The following RTN4RL1 variants were observed in gnomAD, a reference collection of about 807,000 sequenced individuals.
RTN4RL1 encodes reticulon-4 receptor-like 1.
A neutral mutation model predicts 25.6 loss-of-function variants in RTN4RL1; 7 were observed. The ratio of observed to expected loss-of-function variants is 0.27; its 90% CI spans 0.16 to 0.51. RTN4RL1 has a LOEUF of 0.51. Among genes scored for constraint, RTN4RL1 ranks in the 20% least tolerant of loss-of-function variants. The probability of loss-of-function intolerance (pLI) is 0.97; values close to 1 mark genes in which losing one functional copy is unlikely to be tolerated. For missense variants in RTN4RL1, 500 were observed against 615.6 expected, an observed-to-expected ratio of 0.81 and a Z score of 1.99; for synonymous variants, 297 against 288.2, an observed-to-expected ratio of 1.03 and a Z score of -0.31.
chr17:1,962,868 A>G (rs1396336029), intron 1 of RTN4RL1, among the ~76,000 whole-genome samples: 14 of 151,362 alleles, frequency 9.2e-5, no homozygotes, highest in Non-Finnish European at 1.9e-4. Context: ...TCTCAGAAAA[A>G]AAAAAAAAAA....
Position 1,935,779 on chromosome 17 carries a change from G to C in RTN4RL1, c.*717C>G, listed in dbSNP as rs973757627. ...TGTAGAGTGTGAATATATATAAGTG[G>C]ACGTAGTTAGTTATAAAACTGCACC... On this transcript the variant is annotated 3_prime_UTR_variant, in exon 2 of 2. Transcript: ENST00000331238. 2.3e-6 allele frequency: 2 copies of C among 877,342 alleles called. No individual in the cohort carries two copies. Among genetic ancestry groups the C allele is most frequent in the African/African-American group, 4.0e-5 (2 of 49,946 alleles). 54.3% of individuals were successfully genotyped at this position (877,342 alleles called of 1,614,324 possible).
intron 1 of RTN4RL1, among the ~76,000 whole-genome samples, chr17:2,015,125 G>T: frequency 6.6e-6 from 1 of 152,174 alleles, no homozygotes; most frequent in African/African-American, 2.4e-5. Context: ...CCTGGGCTCA[G>T]GTGGAGGCAC....
At chr17:1,952,367 C>T (rs1915703750) in intron 1 of RTN4RL1, among the ~76,000 whole-genome samples, 2 of 133,938 alleles carry the variant, frequency 1.5e-5, no homozygotes, top group East Asian at 2.4e-4. Context: ...GATGGAGTGT[C>T]ACTCTGTCGC....
chr17:1,965,676 G>C (rs1371143884), intron 1 of RTN4RL1, among the ~76,000 whole-genome samples: 1 of 152,140 alleles, frequency 6.6e-6, no homozygotes, highest in East Asian at 1.9e-4. Context: ...GTTGGCTCAA[G>C]GTAGAGGTGG....
rs555256061 is a variant in RTN4RL1 at position 1,994,359 on chromosome 17, G to T, written c.13+30494C>A. Among the ~76,000 whole-genome samples, 34 of 151,796 alleles carry T rather than the reference G, an allele frequency of 2.2e-4. No individual in the cohort carries two copies. Among genetic ancestry groups the T allele is most frequent in the African/African-American group, 8.0e-4 (33 of 41,308 alleles). On this transcript the variant is annotated intron_variant, in intron 1 of 1. Transcript: ENST00000331238. This position sits in a 1 kb window ranked among gnomAD's most constrained non-coding sequence, Gnocchi z 4.3. ...ATGTCTCCCCTGTGCTGAGCCCACC[G>T]TGTTACAGAGGACCTACCAGCTCTC...
Position 2,025,055 on chromosome 17 carries a change from C to G in RTN4RL1, c.-190G>C, listed in dbSNP as rs1670022906. 2.1e-6 allele frequency: 1 copy of G among 467,846 alleles called. No individual in the cohort carries two copies. The highest frequency in any genetic ancestry group is 3.7e-5 in the East Asian group (1 of 27,182). 29.0% of individuals were successfully genotyped at this position (467,846 alleles called of 1,614,324 possible). On this transcript the variant is annotated 5_prime_UTR_variant, in exon 1 of 2. Coordinates refer to ENST00000331238, the MANE Select transcript of RTN4RL1 (RefSeq NM_178568.4). This position sits in a 1 kb window ranked among gnomAD's most constrained non-coding sequence, Gnocchi z 4.8. ...AGCTCCAGCCCCGCGCCGAGGGCACCGGCGCCCGCAAGCAACCGTGGTGCT... is the reference window on the plus strand; with the variant it reads ...AGCTCCAGCCCCGCGCCGAGGGCACGGGCGCCCGCAAGCAACCGTGGTGCT...
intron 1 of RTN4RL1, among the ~76,000 whole-genome samples, chr17:1,983,172 T>C (rs973731832): frequency 1.3e-5 from 2 of 151,864 alleles, no homozygotes; most frequent in Non-Finnish European, 2.9e-5. Context: ...TAGCTGGGAT[T>C]ACAGCTGGGA....
In RTN4RL1 at chr17:1,937,423, G is replaced by A. The variant is rs1227623776; in HGVS notation, c.399C>T (p.Tyr133=). The A allele has an allele frequency of 6.2e-7, 1 of 1,613,746 alleles. No individual in the cohort carries two copies. The highest frequency in any genetic ancestry group is 1.3e-5 in the African/African-American group (1 of 74,926). ...GLVKLHALYL[Y]KCGLSALPAG... is the part of the protein sequence containing the mutation. Reference sequence around the variant, plus strand: ...CCGGCAAGGCGCTGAGCCCACACTTGTAGAGGTAGAGGGCGTGAAGCTTCA... The same window carrying A: ...CCGGCAAGGCGCTGAGCCCACACTTATAGAGGTAGAGGGCGTGAAGCTTCA... The change falls in exon 2 of 2, where the codon TAC becomes TAT. Residue 133 remains tyrosine (Y), a synonymous_variant. Coordinates refer to ENST00000331238, the MANE Select transcript of RTN4RL1 (RefSeq NM_178568.4).
chr17:1,948,702 G>A lies in RTN4RL1; in HGVS notation c.14-10894C>T, dbSNP rs148834815. Among the ~76,000 whole-genome samples the A allele has an allele frequency of 6.0e-4, 91 of 151,826 alleles. 1 individual carries two copies. Among genetic ancestry groups the A allele is most frequent in the Admixed American group, 1.3e-3 (20 of 15,270 alleles). ...GGGTTACCTCCGTGGCGACGAGACC[G>A]TCCTCGGTGGCAAATGTCTGTTTGT... On this transcript the variant is annotated intron_variant, in intron 1 of 1. Transcript: ENST00000331238.
intron 1 of RTN4RL1, among the ~76,000 whole-genome samples, chr17:2,010,865 G>A (rs892871300): frequency 1.3e-5 from 2 of 152,212 alleles, no homozygotes; most frequent in Non-Finnish European, 2.9e-5. Flanking sequence ...GGGATCACAG[G>A]TGTGAGCCAC....
rs117913873 is a variant in RTN4RL1, at chr17:1,936,194, G to T, written c.*302C>A. On this transcript the variant is annotated 3_prime_UTR_variant, in exon 2 of 2. Coordinates refer to ENST00000331238, the MANE Select transcript of RTN4RL1 (RefSeq NM_178568.4). ...CGCCGTCGGGGGCAATTGTCCCACT[G>T]TTGCCAGTGGAGGATGCACTTGGAG... 46,559 of 1,210,832 alleles carry T rather than the reference G, an allele frequency of 0.038. 1,181 individuals carry two copies. The highest frequency in any genetic ancestry group is 0.098 in the Admixed American group (2,423 of 24,602). 75.0% of individuals were successfully genotyped at this position (1,210,832 alleles called of 1,614,324 possible). A position where few individuals can be genotyped will look rare whatever the true frequency, so the allele number is the denominator to read the frequency against.
intron 1 of RTN4RL1, among the ~76,000 whole-genome samples, chr17:1,999,778 C>T (rs554251230): frequency 4.6e-5 from 7 of 152,352 alleles, no homozygotes; most frequent in Admixed American, 3.3e-4. Context: ...TAAAGAGAGG[C>T]ATTGCTGGAA....
At chr17:1,964,466 C>T (rs1167368046) in intron 1 of RTN4RL1, among the ~76,000 whole-genome samples, 1 of 152,078 alleles carries the variant, frequency 6.6e-6, no homozygotes, top group African/African-American at 2.4e-5. Context: ...GGTGTGGTGG[C>T]TCACGCCTGT....
At chr17:1,968,718 C>A (rs552889665) in intron 1 of RTN4RL1, among the ~76,000 whole-genome samples, 1 of 152,138 alleles carries the variant, frequency 6.6e-6, no homozygotes, top group Non-Finnish European at 1.5e-5. Flanking sequence ...TCACCCGTCC[C>A]CTCTCCCTGG....
chr17:1,983,604 G>T (rs2066876294), intron 1 of RTN4RL1, among the ~76,000 whole-genome samples: 1 of 151,716 alleles, frequency 6.6e-6, no homozygotes, highest in Non-Finnish European at 1.5e-5. Context: ...GTCTTACCAG[G>T]TGTGTCCAGG....
At chr17:1,989,157 C>T (rs938523626) in intron 1 of RTN4RL1, among the ~76,000 whole-genome samples, 6 of 151,934 alleles carry the variant, frequency 3.9e-5, no homozygotes, top group African/African-American at 9.7e-5. Flanking sequence ...TGGTTTAAGA[C>T]GGTTAGCGGC....
At chr17:1,978,629 A>C (rs948616242) in intron 1 of RTN4RL1, among the ~76,000 whole-genome samples, 6 of 76,206 alleles carry the variant, frequency 7.9e-5, no homozygotes, top group African/African-American at 2.9e-4. Context: ...GCTCATCCGG[A>C]AAATGGGGGG....
At chr17:1,952,654 A>C in intron 1 of RTN4RL1, among the ~76,000 whole-genome samples, 1 of 148,392 alleles carries the variant, frequency 6.7e-6, no homozygotes, top group African/African-American at 2.5e-5. Context: ...CTCCTCCCCC[A>C]TTTTCATTCT....
At chr17:1,963,564 G>A (rs1235385326) in intron 1 of RTN4RL1, among the ~76,000 whole-genome samples, 3 of 152,088 alleles carry the variant, frequency 2.0e-5, no homozygotes, top group Non-Finnish European at 4.4e-5. Flanking sequence ...TTTGCCACTC[G>A]GCACCCCATA....
Sources: gnomAD v4.1 joint callset for allele counts (sites outside exome capture counted in the v4.1 genomes callset) on GRCh38, gnomAD v4.1.1 for gene constraint, Gnocchi (gnomAD v3.1) non-coding constraint, MANE v1.5 for transcripts, NCBI Gene and HGNC (gene_info 2026-07-23, HGNC 2026-07-21) for gene names.